The following ALKAL1 variants were observed in gnomAD, a reference collection of about 807,000 sequenced individuals.
ALKAL1 encodes the protein AUG-beta.
Under a neutral mutation model 13.5 loss-of-function variants are expected in ALKAL1, and 23 were observed. The observed-to-expected ratio is 1.70, with a 90% CI of 1.23 to 2.41. ALKAL1 has a LOEUF of 2.41. ALKAL1 is among the 30% of genes most tolerant of loss of function. The probability of loss-of-function intolerance (pLI) is 0.00; values close to 1 mark genes in which losing one functional copy is unlikely to be tolerated. For synonymous variants in ALKAL1, 85 were observed against 77.7 expected (o/e 1.09, Z -0.49); for missense variants, 181 against 178.4 (o/e 1.01, Z -0.08).
intron 1 of ALKAL1, among the ~76,000 whole-genome samples, chr8:52,562,428 AGGAC>A (rs1847559980): frequency 6.6e-6 from 1 of 152,164 alleles, no homozygotes; most frequent in Non-Finnish European, 1.5e-5. Flanking sequence ...GCTAAATGAG[AGGAC>A]GGATACAGGC....
At position 52,565,407 on chromosome 8, in the gene ALKAL1, C is replaced by T. The variant is rs1417716680; in HGVS notation, c.-151G>A. 8 of 516,226 alleles carry T rather than the reference C, an allele frequency of 1.5e-5. No homozygotes were observed. Among genetic ancestry groups the T allele is most frequent in the Non-Finnish European group, 1.8e-5 (6 of 328,378 alleles). 32.0% of individuals were successfully genotyped at this position (516,226 alleles called of 1,614,324 possible). The stretch of plus-strand genomic sequence containing the variant: ...CCGCGCGCCTGCCCTTGTCTACGTC[C>T]CGGGGGTCGGCTGGAGCTGCACTGG... On this transcript the variant is annotated 5_prime_UTR_variant, in exon 1 of 5. Coordinates refer to ENST00000358543, the MANE Select transcript of ALKAL1 (RefSeq NM_207413.4).
intron 1 of ALKAL1, among the ~76,000 whole-genome samples, chr8:52,562,156 T>A (rs1847557111): frequency 6.6e-6 from 1 of 151,976 alleles, no homozygotes; most frequent in African/African-American, 2.4e-5. Flanking sequence ...GAAAGAGGAA[T>A]GAGAGAGCAG....
chr8:52,548,271 A>T (rs1847392458), intron 1 of ALKAL1, among the ~76,000 whole-genome samples: 1 of 152,196 alleles, frequency 6.6e-6, no homozygotes, highest in Non-Finnish European at 1.5e-5. Flanking sequence ...GAATCACGTG[A>T]ACCTAGGAGG....
At chr8:52,540,888 C>T (rs1847306175) in intron 2 of ALKAL1, among the ~76,000 whole-genome samples, 1 of 152,184 alleles carries the variant, frequency 6.6e-6, no homozygotes, top group Non-Finnish European at 1.5e-5. Flanking sequence ...GGTGCATCTC[C>T]ACTTGATCCT....
rs375122243 is a variant in ALKAL1, at chr8:52,554,910, G to A, written c.190+10157C>T. Among the ~76,000 whole-genome samples the A allele has an allele frequency of 3.0e-4, 46 of 152,330 alleles. 1 individual carries two copies. The East Asian group carries it at 5.4e-3, about 18-fold the overall frequency. On this transcript the variant is annotated intron_variant, in intron 1 of 4. Transcript: ENST00000358543. ...GACAGGGCCGGGCACGGTGGCTCAC[G>A]CCTGTAATCCCAGCACTTTGGGAGG...
rs1367721081 is a variant in ALKAL1 at position 52,542,748 on chromosome 8, G to T, written c.191-303C>A. Reference sequence around the variant, plus strand: ...TTTCTCCCGTGTTCCTCAGTCCACTGAAGACTGACTGAAGTGGCATCACTC... The same window carrying T: ...TTTCTCCCGTGTTCCTCAGTCCACTTAAGACTGACTGAAGTGGCATCACTC... On this transcript the variant is annotated intron_variant, in intron 1 of 4. Transcript: ENST00000358543. Among the ~76,000 whole-genome samples, 3 of 152,216 alleles carry T rather than the reference G, an allele frequency of 2.0e-5. No individual in the cohort carries two copies. In the East Asian group the frequency reaches 5.8e-4, roughly 29 times the overall value.
chr8:52,547,423 C>T (rs1847381394), intron 1 of ALKAL1, among the ~76,000 whole-genome samples: 1 of 152,116 alleles, frequency 6.6e-6, no homozygotes. Context: ...TCAATTGAAC[C>T]TGTGAGGTGG....
At chr8:52,536,218 C>T (rs891646784) in intron 4 of ALKAL1, among the ~76,000 whole-genome samples, 2 of 152,160 alleles carry the variant, frequency 1.3e-5, no homozygotes, top group African/African-American at 2.4e-5. Context: ...GGATTACAGG[C>T]GTGAGCCACC....
At chr8:52,561,945 A>G (rs1350881377) in intron 1 of ALKAL1, among the ~76,000 whole-genome samples, 1 of 152,208 alleles carries the variant, frequency 6.6e-6, no homozygotes, top group East Asian at 1.9e-4. Flanking sequence ...GCTGCCTCCC[A>G]CATCTCAAGC....
At chr8:52,558,638 C>T (rs1847508841) in intron 1 of ALKAL1, among the ~76,000 whole-genome samples, 1 of 151,982 alleles carries the variant, frequency 6.6e-6, no homozygotes, top group African/African-American at 2.4e-5. Flanking sequence ...CGGCTAAAGT[C>T]GGGCTCGTTT....
intron 1 of ALKAL1, among the ~76,000 whole-genome samples, chr8:52,549,915 CTGGGTGACAGAGTGAGA>C (rs753195062): frequency 6.6e-6 from 1 of 152,136 alleles, no homozygotes; most frequent in Non-Finnish European, 1.5e-5. Flanking sequence ...GCACTCCAGC[CTGGGTGACAGAGTGAGA>C]CTCCATCTCA....
chr8:52,558,621 C>T (rs930954413), intron 1 of ALKAL1, among the ~76,000 whole-genome samples: 4 of 151,936 alleles, frequency 2.6e-5, no homozygotes, highest in African/African-American at 9.7e-5. Flanking sequence ...TTCCTGGTGT[C>T]CCCCAGCGGC....
At chr8:52,554,987 C>T (rs1037462351) in intron 1 of ALKAL1, among the ~76,000 whole-genome samples, 13 of 151,920 alleles carry the variant, frequency 8.6e-5, no homozygotes, top group African/African-American at 2.7e-4. Context: ...CTGGCTAACA[C>T]GGAGAAACCC....
rs2150342578 is a variant in ALKAL1, at chr8:52,534,440, G to T, written c.*173C>A. ...ATACACAAAAAGATAAAGCAAGAAA[G>T]ACTCCATTCTATGACAGGAAACAGC... On this transcript the variant is annotated 3_prime_UTR_variant, in exon 5 of 5. Coordinates refer to ENST00000358543, the MANE Select transcript of ALKAL1 (RefSeq NM_207413.4). 1 of 415,664 alleles carries T rather than the reference G, an allele frequency of 2.4e-6. No homozygotes were observed. Among genetic ancestry groups the T allele is most frequent in the Non-Finnish European group, 4.2e-6 (1 of 237,120 alleles). The allele number at this position is 415,664 out of a possible 1,614,324, so 25.7% of individuals were successfully genotyped here.
At chr8:52,562,954 T>C (rs534139461) in intron 1 of ALKAL1, among the ~76,000 whole-genome samples, 6 of 152,330 alleles carry the variant, frequency 3.9e-5, no homozygotes, top group African/African-American at 1.4e-4. Context: ...AAGTACTCCA[T>C]TCACAGACTC....
intron 1 of ALKAL1, among the ~76,000 whole-genome samples, chr8:52,560,451 G>A (rs781533637): frequency 3.9e-4 from 59 of 152,074 alleles, no homozygotes; most frequent in Non-Finnish European, 6.3e-4. Context: ...CTCCTACACA[G>A]CAACAAAGAT....
At chr8:52,551,449 T>C (rs916550004) in intron 1 of ALKAL1, among the ~76,000 whole-genome samples, 7 of 151,152 alleles carry the variant, frequency 4.6e-5, no homozygotes, top group Admixed American at 2.6e-4. Flanking sequence ...CATGCCACCA[T>C]GCCCGGCTAA....
At chr8:52,548,585 A>G (rs1002374997) in intron 1 of ALKAL1, among the ~76,000 whole-genome samples, 5 of 152,158 alleles carry the variant, frequency 3.3e-5, no homozygotes, top group Non-Finnish European at 7.3e-5. Flanking sequence ...CATTATATAT[A>G]TTGAAACATC....
chr8:52,560,517 A>G (rs1474394510), intron 1 of ALKAL1, among the ~76,000 whole-genome samples: 1 of 152,240 alleles, frequency 6.6e-6, no homozygotes, highest in Non-Finnish European at 1.5e-5. Flanking sequence ...GGCCAAAGAA[A>G]AAAATTGCCA....
Sources: allele counts gnomAD v4.1 joint callset (sites outside exome capture counted in the v4.1 genomes callset), GRCh38; gene constraint gnomAD v4.1.1; transcripts MANE v1.5; gene names NCBI Gene and HGNC (gene_info 2026-07-23, HGNC 2026-07-21).